Variants in SLC22A15 observed in about 807,000 individuals in gnomAD.
The protein encoded by SLC22A15 is solute carrier family 22 member 15, also known as flipt 1.
In SLC22A15, 45 loss-of-function variants were observed where a neutral mutation model predicts 62.7. The observed-to-expected ratio is 0.72, with a 90% confidence interval of 0.56 to 0.92. The LOEUF (loss-of-function observed/expected upper bound fraction) is 0.92, where lower values mean the gene tolerates loss of function less well. Among genes scored for constraint, SLC22A15 ranks in the 40% least tolerant of loss-of-function variants. The probability of loss-of-function intolerance (pLI) is 0.00; values close to 1 mark genes in which losing one functional copy is unlikely to be tolerated. For missense variants in SLC22A15, 622 were observed against 665.6 expected (o/e 0.93, Z 0.72); for synonymous variants, 264 against 267.0 (o/e 0.99, Z 0.11).
chr1:116,023,492 A>G (rs1157752396), intron 4 of SLC22A15, among the ~76,000 whole-genome samples: 1 of 152,202 alleles, frequency 6.6e-6, no homozygotes, highest in Non-Finnish European at 1.5e-5. Flanking sequence ...ACATATTGCT[A>G]TGTATGCTTC....
intron 8 of SLC22A15, among the ~76,000 whole-genome samples, chr1:116,061,000 G>C (rs1457149513): frequency 6.6e-6 from 1 of 152,142 alleles, no homozygotes; most frequent in African/African-American, 2.4e-5. Flanking sequence ...TTTTGGACTG[G>C]GGCATGTCTA....
intron 1 of SLC22A15, among the ~76,000 whole-genome samples, chr1:115,979,022 A>G (rs1357411409): frequency 6.6e-6 from 1 of 152,196 alleles, no homozygotes; most frequent in Non-Finnish European, 1.5e-5. Context: ...CGATTTGATA[A>G]TGATTAACCC....
chr1:116,020,521 A>C (rs1656771553), intron 3 of SLC22A15, among the ~76,000 whole-genome samples, 200 bp from the exon 4 acceptor site: 1 of 151,388 alleles, frequency 6.6e-6, no homozygotes. Context: ...GTGCCACTGC[A>C]CTCCAGCCTG....
intron 8 of SLC22A15, among the ~76,000 whole-genome samples, chr1:116,051,593 C>T (rs761144037): frequency 1.9e-4 from 29 of 152,056 alleles, no homozygotes; most frequent in Non-Finnish European, 2.1e-4. Context: ...AATCTAAGAC[C>T]GGAAACTATA....
intron 8 of SLC22A15, among the ~76,000 whole-genome samples, chr1:116,054,404 G>C (rs1200734619): frequency 6.6e-6 from 1 of 151,694 alleles, no homozygotes; most frequent in East Asian, 1.9e-4. Context: ...GATTCATAAA[G>C]CAAGTCCTGA....
chr1:116,043,999 T>G, intron 8 of SLC22A15, among the ~76,000 whole-genome samples: 1 of 152,202 alleles, frequency 6.6e-6, no homozygotes, highest in East Asian at 1.9e-4. Flanking sequence ...CCAGATGGCT[T>G]TACTGGTAAA....
chr1:116,031,845 G>A, intron 6 of SLC22A15: 1 of 1,299,926 alleles, frequency 7.7e-7, no homozygotes, highest in African/African-American at 1.5e-5. Flanking sequence ...CTTTGCTTTT[G>A]AGGTATTTAT....
rs1657408965 is a variant in SLC22A15 at position 116,031,731 on chromosome 1, C to T, written c.944+150C>T. 1.4e-5 allele frequency: 20 copies of T among 1,446,296 alleles called. 1 individual carries two copies. Among genetic ancestry groups the T allele is most frequent in the South Asian group, 1.2e-4 (8 of 66,596 alleles). 89.6% of individuals were successfully genotyped at this position (1,446,296 alleles called of 1,614,324 possible). A position where few individuals can be genotyped will look rare whatever the true frequency, so the allele number is the denominator to read the frequency against. ...CAACAGCAAGTCTCCTGATCCTTAG[C>T]GCCTGGTTTTCTGCTTGCGCAGCCC... On this transcript the variant is annotated intron_variant, in intron 6 of 11. Coordinates refer to ENST00000369503, the MANE Select transcript of SLC22A15 (RefSeq NM_018420.3).
At chr1:116,060,418 T>A (rs965308160) in intron 8 of SLC22A15, among the ~76,000 whole-genome samples, 1 of 152,324 alleles carries the variant, frequency 6.6e-6, no homozygotes, top group African/African-American at 2.4e-5. Flanking sequence ...GACCCTATCA[T>A]GGAAAACTTC....
chr1:116,013,186 G>A (rs920999190), intron 2 of SLC22A15, among the ~76,000 whole-genome samples: 2 of 152,058 alleles, frequency 1.3e-5, no homozygotes, highest in Non-Finnish European at 2.9e-5. Context: ...AAGTCGAGGG[G>A]CATCTATATT....
intron 1 of SLC22A15, among the ~76,000 whole-genome samples, chr1:115,978,998 C>G (rs948954269): frequency 8.5e-5 from 13 of 152,178 alleles, no homozygotes; most frequent in Non-Finnish European, 1.6e-4. Flanking sequence ...CAGTGGGAGC[C>G]TTCTCCCCAT....
intron 2 of SLC22A15, among the ~76,000 whole-genome samples, chr1:116,019,030 C>T (rs1489009131): frequency 1.3e-5 from 2 of 152,226 alleles, no homozygotes; most frequent in African/African-American, 4.8e-5. Context: ...GTGCTATGAA[C>T]ATGGGTGTAC....
chr1:115,976,922 A>C (rs1394457367), intron 1 of SLC22A15, among the ~76,000 whole-genome samples: 1 of 151,922 alleles, frequency 6.6e-6, no homozygotes, highest in Non-Finnish European at 1.5e-5. Flanking sequence ...GGCCGGCCTC[A>C]GAGCCTCTTG....
At chr1:116,065,212 T>C (rs1283287884) in intron 10 of SLC22A15, among the ~76,000 whole-genome samples, 4 of 152,162 alleles carry the variant, frequency 2.6e-5, no homozygotes, top group Non-Finnish European at 5.9e-5. Flanking sequence ...GTGGGACTTG[T>C]GGACCTGTTC....
intron 1 of SLC22A15, among the ~76,000 whole-genome samples, chr1:115,983,871 G>A (rs1012298351): frequency 6.6e-6 from 1 of 152,084 alleles, no homozygotes; most frequent in East Asian, 1.9e-4. Context: ...CCCAACCTGG[G>A]CATAAAATGC....
At chr1:116,018,896 G>A (rs982773467) in intron 2 of SLC22A15, among the ~76,000 whole-genome samples, 3 of 152,010 alleles carry the variant, frequency 2.0e-5, no homozygotes, top group Non-Finnish European at 4.4e-5. Context: ...CAAATCTCTG[G>A]CTATTCTCTC....
chr1:115,994,950 A>G (rs1219538659), intron 2 of SLC22A15, among the ~76,000 whole-genome samples: 1 of 152,292 alleles, frequency 6.6e-6, no homozygotes, highest in East Asian at 1.9e-4. Flanking sequence ...TTTAGTTGTC[A>G]TAGTTCTTTA....
intron 2 of SLC22A15, among the ~76,000 whole-genome samples, chr1:116,018,428 G>C (rs557858717): frequency 6.6e-6 from 1 of 151,958 alleles, no homozygotes; most frequent in Non-Finnish European, 1.5e-5. Flanking sequence ...GCAGTGGCGC[G>C]ATCTCAGCTC....
chr1:116,061,737 A>C (rs1658385164), intron 8 of SLC22A15, among the ~76,000 whole-genome samples: 1 of 152,174 alleles, frequency 6.6e-6, no homozygotes, highest in South Asian at 2.1e-4. Context: ...AATGTTAATA[A>C]AGGAAAAAAA....
Sources: gnomAD v4.1 joint callset for allele counts (sites outside exome capture counted in the v4.1 genomes callset) on GRCh38, gnomAD v4.1.1 for gene constraint, MANE v1.5 for transcripts, NCBI Gene and HGNC (gene_info 2026-07-23, HGNC 2026-07-21) for gene names.